DOCK4: variants seen among roughly 807,000 people sequenced by gnomAD.
The protein encoded by DOCK4 is dedicator of cytokinesis 4.
A neutral mutation model predicts 268.1 loss-of-function variants in DOCK4; 97 were observed. The ratio of observed to expected loss-of-function variants is 0.36; its 90% CI spans 0.31 to 0.43. DOCK4 has a LOEUF of 0.43. DOCK4 is among the 20% of genes least tolerant of loss of function. DOCK4 has a pLI of 1.00. For missense variants in DOCK4, 2,145 were observed against 2,455.7 expected (o/e 0.87, Z 2.67); for synonymous variants, 954 against 887.2 (o/e 1.08, Z -1.34).
rs779292271 is a variant in DOCK4 at position 111,767,068 on chromosome 7, C to A, written c.3879G>T (p.Glu1293Asp). The change falls in exon 38 of 53, where the codon GAG becomes GAT. Residue 1293 changes from glutamate to aspartate, a missense_variant. By Grantham distance (45) the Glu-to-Asp change is conservative. Coordinates refer to ENST00000428084, the MANE Select transcript of DOCK4 (RefSeq NM_001363540.2). ...ILCRKIAEQY[E>D]SYYDYRNLSK... ...TCAGGTTTCTGTAGTCATAATAACTCTCATACTGCTCTGCAATCTTCCGGC... is the reference window on the plus strand; with the variant it reads ...TCAGGTTTCTGTAGTCATAATAACTATCATACTGCTCTGCAATCTTCCGGC... 2 of 1,613,802 alleles carry A rather than the reference C, an allele frequency of 1.2e-6. No individual in the cohort carries two copies. The highest frequency in any genetic ancestry group is 1.7e-6 in the Non-Finnish European group (2 of 1,179,812).
In DOCK4 at chr7:111,844,188, A is replaced by G. The variant is rs192054961; in HGVS notation, c.2736+575T>C. Among the ~76,000 whole-genome samples the G allele has an allele frequency of 3.3e-5, 5 of 152,306 alleles. No homozygotes were observed. In the East Asian group the frequency reaches 9.7e-4, roughly 29 times the overall value. ...TACTCAAGAGGCTGAGGCACGGAGA[A>G]TTACTTGAACCCGGGAGATGGAGGT... On this transcript the variant is annotated intron_variant, in intron 25 of 52. Transcript: ENST00000428084.
chr7:112,183,237 T>C (rs1182660015), intron 1 of DOCK4, among the ~76,000 whole-genome samples: 1 of 152,136 alleles, frequency 6.6e-6, no homozygotes. Flanking sequence ...AGAAAGGCCA[T>C]AACTACCTCT....
chr7:112,197,327 T>A (rs2116847744), intron 1 of DOCK4, among the ~76,000 whole-genome samples: 1 of 152,244 alleles, frequency 6.6e-6, no homozygotes, highest in African/African-American at 2.4e-5. Flanking sequence ...TACAAATCTA[T>A]TGCTTTATAT....
chr7:111,741,583 C>A lies in DOCK4; in HGVS notation c.4876G>T (p.Ala1626Ser). ...SPRVCRNSAP[A>S]SVSPDGTRVI... Reference sequence around the variant, plus strand: ...CTGGTACCATCTGGGCTCACAGAAGCAGGTGCTGAGTTTCTACACACACGA... The same window carrying A: ...CTGGTACCATCTGGGCTCACAGAAGAAGGTGCTGAGTTTCTACACACACGA... The change falls in exon 46 of 53, where the codon GCT becomes TCT. Residue 1626 changes from alanine (A) to serine (S), a missense_variant. Physicochemically the swap from Ala to Ser is moderately conservative, Grantham distance 99 (BLOSUM62 1). Around this residue, in one of 2 missense-constraint regions of DOCK4, gnomAD observed 547 missense variants for 469.0 expected, o/e 1.17. Coordinates refer to ENST00000428084, the MANE Select transcript of DOCK4 (RefSeq NM_001363540.2). 6.2e-7 allele frequency: 1 copy of A among 1,613,554 alleles called. No individual in the cohort carries two copies.
chr7:111,956,086 G>A (rs971772851), intron 8 of DOCK4, among the ~76,000 whole-genome samples: 16 of 152,118 alleles, frequency 1.1e-4, no homozygotes, highest in Non-Finnish European at 1.9e-4. Flanking sequence ...TAGGCAGAAT[G>A]CGTTCTGCTT....
Position 111,778,373 on chromosome 7 carries a change from T to TA in DOCK4, c.3586-5dup, listed in dbSNP as rs780972400. On this transcript the variant is annotated splice_polypyrimidine_tract_variant and splice_region_variant and intron_variant, in intron 35 of 52. Coordinates refer to ENST00000428084, the MANE Select transcript of DOCK4 (RefSeq NM_001363540.2). ...TCAGTTCAGTCTTATAGAAGTTCTG[T>TA]AAAAAAAGAGTACAGGTATGGATAG... The TA allele has an allele frequency of 6.3e-6, 10 of 1,593,866 alleles. No individual in the cohort carries two copies. The highest frequency in any genetic ancestry group is 2.2e-5 in the East Asian group (1 of 44,598).
At chr7:111,737,326 A>G (rs1348920260) in intron 49 of DOCK4, among the ~76,000 whole-genome samples, 1 of 152,080 alleles carries the variant, frequency 6.6e-6, no homozygotes, top group Non-Finnish European at 1.5e-5. Context: ...GAATCTCACT[A>G]TATTGCCCAG....
At chr7:111,930,219 A>C (rs1794086562) in intron 12 of DOCK4, among the ~76,000 whole-genome samples, 1 of 152,226 alleles carries the variant, frequency 6.6e-6, no homozygotes, top group Admixed American at 6.5e-5. Context: ...ATAGTAATTC[A>C]ATTTTTAAAA....
At chr7:111,969,436 A>G (rs550076467) in intron 8 of DOCK4, among the ~76,000 whole-genome samples, 6 of 133,824 alleles carry the variant, frequency 4.5e-5, no homozygotes, top group African/African-American at 6.6e-5. Flanking sequence ...TTTCTATTAA[A>G]AAAACAAAAA....
Position 111,998,507 on chromosome 7 carries a change from G to A in DOCK4, c.163-4C>T, listed in dbSNP as rs1297258064. The stretch of plus-strand genomic sequence containing the variant: ...CGTAGCTGGAAGGAAATATACCCTG[G>A]AAAAGAAAACATGAAGGTTACGATG... On this transcript the variant is annotated splice_region_variant and splice_polypyrimidine_tract_variant and intron_variant, in intron 3 of 52. Coordinates refer to ENST00000428084, the MANE Select transcript of DOCK4 (RefSeq NM_001363540.2). The A allele has an allele frequency of 6.3e-7, 1 of 1,581,744 alleles. No homozygotes were observed. Among genetic ancestry groups the A allele is most frequent in the Non-Finnish European group, 8.6e-7 (1 of 1,161,560 alleles).
intron 26 of DOCK4, among the ~76,000 whole-genome samples, chr7:111,830,718 C>G (rs776574476): frequency 1.3e-5 from 2 of 152,008 alleles, no homozygotes; most frequent in Non-Finnish European, 2.9e-5. Flanking sequence ...CATAAGTATT[C>G]ATCAAAACAA....
intron 13 of DOCK4, among the ~76,000 whole-genome samples, chr7:111,912,264 T>A (rs1214114584): frequency 1.3e-5 from 2 of 152,240 alleles, no homozygotes; most frequent in African/African-American, 4.8e-5. Context: ...AAGACCTCAT[T>A]TAAAACAAAT....
At chr7:112,069,238 CT>C (rs1448351858) in intron 1 of DOCK4, among the ~76,000 whole-genome samples, 2 of 152,186 alleles carry the variant, frequency 1.3e-5, no homozygotes, top group Admixed American at 6.5e-5. Flanking sequence ...CAGTACTTTT[CT>C]CCTGAGAAGA....
At chr7:112,048,262 A>G (rs1805004789) in intron 1 of DOCK4, among the ~76,000 whole-genome samples, 1 of 151,890 alleles carries the variant, frequency 6.6e-6, no homozygotes, top group South Asian at 2.1e-4. Context: ...AAAAATATAA[A>G]AGAGAAAGGC....
At chr7:112,015,623 T>C (rs999861563) in intron 1 of DOCK4, among the ~76,000 whole-genome samples, 5 of 152,182 alleles carry the variant, frequency 3.3e-5, no homozygotes, top group Non-Finnish European at 7.3e-5. Flanking sequence ...TATAAAGATA[T>C]ATTCTTAAAT....
intron 1 of DOCK4, among the ~76,000 whole-genome samples, chr7:112,036,677 C>T (rs1443091858): frequency 5.6e-5 from 6 of 107,218 alleles, no homozygotes; most frequent in East Asian, 2.6e-4. Flanking sequence ...TTTTTTTTTC[C>T]GGAGACGGAG....
intron 26 of DOCK4, among the ~76,000 whole-genome samples, chr7:111,833,546 A>C (rs1435629686): frequency 6.6e-6 from 1 of 152,096 alleles, no homozygotes. Context: ...TGCCTCAAAA[A>C]AAAAAAGAAA....
chr7:112,081,786 G>A (rs1808610183), intron 1 of DOCK4, among the ~76,000 whole-genome samples: 1 of 152,084 alleles, frequency 6.6e-6, no homozygotes, highest in Admixed American at 6.6e-5. Context: ...AAAGAAAGAT[G>A]GTAAATTGGA....
At chr7:112,048,389 C>CAAAA (rs59810546) in intron 1 of DOCK4, among the ~76,000 whole-genome samples, 10 of 72,126 alleles carry the variant, frequency 1.4e-4, no homozygotes, top group South Asian at 5.4e-4. Flanking sequence ...ACTAAAAATA[C>CAAAA]AAAAAAAAAA....
Sources: gnomAD v4.1 joint callset for allele counts (sites outside exome capture counted in the v4.1 genomes callset) on GRCh38, gnomAD v4.1.1 for gene constraint, gnomAD v4.1.1 regional missense constraint, MANE v1.5 for transcripts, NCBI Gene and HGNC (gene_info 2026-07-23, HGNC 2026-07-21) for gene names.